The following INPP4A variants were observed in gnomAD, a reference collection of about 807,000 sequenced individuals.
The protein encoded by INPP4A is inositol polyphosphate-4-phosphatase type I A.
In INPP4A, 33 loss-of-function variants were observed where a neutral mutation model predicts 119.8. The observed-to-expected ratio is 0.28, with a 90% confidence interval of 0.21 to 0.37. The LOEUF (loss-of-function observed/expected upper bound fraction) is 0.37. INPP4A is among the 10% of genes least tolerant of loss of function. INPP4A has a pLI of 1.00. For missense variants in INPP4A, 956 were observed against 1,289.9 expected (o/e 0.74, Z 3.97); for synonymous variants, 496 against 500.7 (o/e 0.99, Z 0.12).
At chr2:98,491,385 C>T (rs1436795250) in intron 1 of INPP4A, among the ~76,000 whole-genome samples, 4 of 152,234 alleles carry the variant, frequency 2.6e-5, no homozygotes, top group African/African-American at 7.2e-5. Context: ...TTTACACCCC[C>T]AGGCCCTCAC....
intron 10 of INPP4A, among the ~76,000 whole-genome samples, chr2:98,542,171 C>G (rs75983598): frequency 6.6e-6 from 1 of 152,258 alleles, no homozygotes; most frequent in Non-Finnish European, 1.5e-5. Context: ...CACATGAACA[C>G]GGGCAGACAC....
chr2:98,546,380 A>G lies in INPP4A; in HGVS notation c.1055-206A>G, dbSNP rs1177899161. On this transcript the variant is annotated intron_variant, in intron 12 of 24. Coordinates refer to ENST00000409851, the MANE Select transcript of INPP4A (RefSeq NM_001134225.2). This position sits in a 1 kb window ranked among gnomAD's most constrained non-coding sequence, Gnocchi z 4.2. ...CCTGCAGCCCTTGTGGCTCCACTTG[A>G]AATGTTTTAAACCCCTTGTTGCTGA... is the stretch of plus-strand genomic sequence containing the variant. Among the ~76,000 whole-genome samples the G allele has an allele frequency of 6.6e-6, 1 of 152,194 alleles. No individual in the cohort carries two copies. The highest frequency in any genetic ancestry group is 1.5e-5 in the Non-Finnish European group (1 of 68,032).
At chr2:98,457,162 C>G (rs1337726915) in intron 1 of INPP4A, among the ~76,000 whole-genome samples, 1 of 152,138 alleles carries the variant, frequency 6.6e-6, no homozygotes, top group South Asian at 2.1e-4. Context: ...ATGTCCCAGC[C>G]CAGACACTCA....
intron 1 of INPP4A, among the ~76,000 whole-genome samples, chr2:98,470,730 C>T (rs1017512561): frequency 5.9e-5 from 9 of 151,782 alleles, no homozygotes; most frequent in African/African-American, 1.5e-4. Context: ...TGCAGTGGCG[C>T]GACCTCGGCT....
At chr2:98,508,638 C>T (rs989418991) in intron 1 of INPP4A, among the ~76,000 whole-genome samples, 4 of 152,174 alleles carry the variant, frequency 2.6e-5, no homozygotes, top group East Asian at 1.9e-4. Flanking sequence ...TTATGTGACA[C>T]GCTGGAAGGA....
At chr2:98,467,756 T>C (rs1675094650) in intron 1 of INPP4A, among the ~76,000 whole-genome samples, 1 of 152,268 alleles carries the variant, frequency 6.6e-6, no homozygotes, top group Non-Finnish European at 1.5e-5. Context: ...AACGTTTTTC[T>C]GATTTTAAAT....
chr2:98,546,745 TTTTCTCAGTTTAAAA>T lies in INPP4A; in HGVS notation c.1163+53_1163+67del. On this transcript the variant is annotated intron_variant, in intron 13 of 24. Transcript: ENST00000409851. The surrounding 1 kb of genome is among the most constrained non-coding windows in gnomAD (Gnocchi z 4.2). ...TCCTTGTACAGCTTTCTGATGCTTC[TTTTCTCAGTTTAAAA>T]TAAAATCAAAATATGACCGCAAAAA... is the stretch of plus-strand genomic sequence containing the variant. 9.0e-7 allele frequency: 1 copy of T among 1,107,764 alleles called. No individual in the cohort carries two copies. The highest frequency in any genetic ancestry group is 1.4e-6 in the Non-Finnish European group (1 of 729,766). The allele number at this position is 1,107,764 out of a possible 1,614,324, so 68.6% of individuals were successfully genotyped here. A position where few individuals can be genotyped will look rare whatever the true frequency, so the allele number is the denominator to read the frequency against.
chr2:98,525,411 C>T (rs1027236167), intron 4 of INPP4A, among the ~76,000 whole-genome samples: 5 of 152,210 alleles, frequency 3.3e-5, no homozygotes, highest in Non-Finnish European at 7.3e-5. Flanking sequence ...CACTTAATCA[C>T]ATCTGTAAAG....
intron 22 of INPP4A, among the ~76,000 whole-genome samples, chr2:98,572,518 G>T (rs1473010989): frequency 6.6e-6 from 1 of 152,228 alleles, no homozygotes; most frequent in Non-Finnish European, 1.5e-5. Flanking sequence ...TCTGGGAGGG[G>T]TGCGGGAGGC....
chr2:98,525,297 T>A (rs1230741214), intron 4 of INPP4A, among the ~76,000 whole-genome samples: 1 of 152,214 alleles, frequency 6.6e-6, no homozygotes, highest in Non-Finnish European at 1.5e-5. Context: ...CTCCTGCCTC[T>A]TCTTCCATTG....
intron 1 of INPP4A, among the ~76,000 whole-genome samples, chr2:98,504,099 G>A (rs914262169): frequency 6.6e-6 from 1 of 152,198 alleles, no homozygotes; most frequent in Non-Finnish European, 1.5e-5. Flanking sequence ...GCAATAAAGA[G>A]CTGTGGTCAG....
At chr2:98,587,447 G>A (rs761027784) in intron 24 of INPP4A, 29 bp from the exon 25 acceptor site, 24 of 1,527,724 alleles carry the variant, frequency 1.6e-5, no homozygotes, top group Admixed American at 4.6e-5. Context: ...TTTTACTGCC[G>A]TCATTTCTTG....
chr2:98,550,585 C>G (rs1049117879), intron 13 of INPP4A, among the ~76,000 whole-genome samples: 5 of 152,204 alleles, frequency 3.3e-5, no homozygotes, highest in African/African-American at 4.8e-5. Context: ...ATACTGCCTC[C>G]TGGGGCTGCC....
intron 1 of INPP4A, among the ~76,000 whole-genome samples, chr2:98,483,684 C>T (rs1678953580): frequency 6.6e-6 from 1 of 152,160 alleles, no homozygotes; most frequent in Admixed American, 6.5e-5. Context: ...CTTCTGAGCC[C>T]TGCCTAAACA....
chr2:98,529,181 C>T (rs566496941), intron 4 of INPP4A, among the ~76,000 whole-genome samples: 212 of 151,742 alleles, frequency 1.4e-3, no homozygotes, highest in Non-Finnish European at 2.3e-3. Flanking sequence ...TAAAAAGGAA[C>T]GAAGTACAGA....
intron 1 of INPP4A, among the ~76,000 whole-genome samples, chr2:98,500,073 A>G (rs1009313226): frequency 1.3e-5 from 2 of 152,210 alleles, no homozygotes; most frequent in Non-Finnish European, 2.9e-5. Flanking sequence ...AGAATGTGTC[A>G]TTTAATCCTA....
At chr2:98,449,730 T>C (rs1694901058) in intron 1 of INPP4A, among the ~76,000 whole-genome samples, 1 of 152,224 alleles carries the variant, frequency 6.6e-6, no homozygotes, top group African/African-American at 2.4e-5. Flanking sequence ...TAAACATAAA[T>C]GTAGTCACAT....
At chr2:98,469,248 C>T (rs923995614) in intron 1 of INPP4A, among the ~76,000 whole-genome samples, 13 of 152,116 alleles carry the variant, frequency 8.5e-5, no homozygotes, top group Non-Finnish European at 1.6e-4. Flanking sequence ...CCTGTAATCC[C>T]GGCACTTTGG....
rs1700223816 is a variant in INPP4A at position 98,589,407 on chromosome 2, TCTC to T, written c.*1802_*1804del. 1 of 183,986 alleles carries T rather than the reference TCTC, an allele frequency of 5.4e-6. No homozygotes were observed. Among genetic ancestry groups the T allele is most frequent in the African/African-American group, 2.4e-5 (1 of 42,546 alleles). 11.4% of individuals were successfully genotyped at this position (183,986 alleles called of 1,614,324 possible). On this transcript the variant is annotated 3_prime_UTR_variant, in exon 25 of 25. Transcript: ENST00000409851. ...TTTTCTCATTTTAACTTTTAAAAAA[TCTC>T]CTTGCTTTTTAAAAATAAATATTAC...
Sources: gnomAD v4.1 joint callset for allele counts (sites outside exome capture counted in the v4.1 genomes callset) on GRCh38, gnomAD v4.1.1 for gene constraint, Gnocchi (gnomAD v3.1) non-coding constraint, MANE v1.5 for transcripts, NCBI Gene and HGNC (gene_info 2026-07-23, HGNC 2026-07-21) for gene names.